CDH8: variants seen among roughly 807,000 people sequenced by gnomAD.
CDH8 encodes the protein cadherin 8.
CDH8 carries 17 observed loss-of-function variants against 68.1 expected under a neutral mutation model. That is an observed-to-expected ratio of 0.25 (90% CI 0.17 to 0.37). CDH8 has a LOEUF of 0.37. Ranked by LOEUF, CDH8 falls within the 10% of genes least tolerant of loss-of-function variation. CDH8 has a pLI of 1.00. For missense variants in CDH8, 763 were observed against 999.3 expected, an observed-to-expected ratio of 0.76 and a Z score of 3.19; for synonymous variants, 372 against 365.1, an observed-to-expected ratio of 1.02 and a Z score of -0.21.
At chr16:61,977,336 A>T (rs1046242575) in intron 2 of CDH8, among the ~76,000 whole-genome samples, 1 of 152,196 alleles carries the variant, frequency 6.6e-6, no homozygotes, top group African/African-American at 2.4e-5. Flanking sequence ...AATCTTAAAA[A>T]TTGTAGGGGA....
intron 8 of CDH8, among the ~76,000 whole-genome samples, chr16:61,761,061 G>T (rs1165745164): frequency 6.6e-6 from 1 of 152,078 alleles, no homozygotes; most frequent in Non-Finnish European, 1.5e-5. Context: ...ACATGACATT[G>T]ATTTTCTTAT....
intron 10 of CDH8, among the ~76,000 whole-genome samples, chr16:61,708,271 T>C (rs1964568960): frequency 6.6e-6 from 1 of 152,152 alleles, no homozygotes; most frequent in Non-Finnish European, 1.5e-5. Flanking sequence ...TTGAACAGCA[T>C]TTTGACAACC....
At chr16:61,777,566 C>T (rs1596957905) in intron 8 of CDH8, among the ~76,000 whole-genome samples, 1 of 152,224 alleles carries the variant, frequency 6.6e-6, no homozygotes, top group East Asian at 1.9e-4. Flanking sequence ...TCTATTCCTC[C>T]ATTCTCAATC....
intron 1 of CDH8, among the ~76,000 whole-genome samples, chr16:62,034,556 TG>T (rs1902406629): frequency 6.6e-6 from 1 of 152,094 alleles, no homozygotes; most frequent in Non-Finnish European, 1.5e-5. Context: ...TGGTACCGGA[TG>T]CGAGAGGACA....
chr16:61,841,086 C>T (rs1467705007), intron 4 of CDH8, among the ~76,000 whole-genome samples: 1 of 152,118 alleles, frequency 6.6e-6, no homozygotes, highest in Non-Finnish European at 1.5e-5. Flanking sequence ...ATATCTACTA[C>T]ACTTTCTTTG....
chr16:61,815,425 T>A (rs1962050848), intron 7 of CDH8, among the ~76,000 whole-genome samples: 1 of 152,182 alleles, frequency 6.6e-6, no homozygotes, highest in Non-Finnish European at 1.5e-5. Flanking sequence ...TGCAACCATA[T>A]GTGGACAACT....
intron 3 of CDH8, among the ~76,000 whole-genome samples, chr16:61,874,678 A>C (rs1198326803): frequency 6.6e-6 from 1 of 152,206 alleles, no homozygotes; most frequent in African/African-American, 2.4e-5. Flanking sequence ...TTCAAATATT[A>C]TCTCTGAATG....
intron 2 of CDH8, among the ~76,000 whole-genome samples, chr16:61,966,537 A>C (rs1445615482): frequency 6.6e-6 from 1 of 152,088 alleles, no homozygotes; most frequent in East Asian, 1.9e-4. Flanking sequence ...ACTCCATCTC[A>C]AAATAAAAAA....
Position 61,820,963 on chromosome 16 carries a change from T to A in CDH8, c.986A>T (p.Asp329Val), listed in dbSNP as rs1205600219. 1 of 1,612,692 alleles carries A rather than the reference T, an allele frequency of 6.2e-7. No homozygotes were observed. The highest frequency in any genetic ancestry group is 8.5e-7 in the Non-Finnish European group (1 of 1,179,110). The stretch of plus-strand genomic sequence containing the variant: ...TATAATGCCATCCTGGGCCTGGGCA[T>A]CAGAAGTGATTTCAAAAAGTGCTGT... ...DGTALFEITS[D>V]AQAQDGIIRL... The change falls in exon 6 of 12, where the codon GAT becomes GTT. Residue 329 changes from aspartate to valine, a missense_variant. Asp to Val is a radical substitution (Grantham distance 152, BLOSUM62 -3). Coordinates refer to ENST00000577390, the MANE Select transcript of CDH8 (RefSeq NM_001796.5).
At chr16:61,901,066 T>C (rs902406527) in intron 3 of CDH8, 113 bp downstream of exon 3, 2 of 987,634 alleles carry the variant, frequency 2.0e-6, no homozygotes, top group African/African-American at 3.3e-5. Context: ...GAAATGCAAA[T>C]TAGAGATAAG....
intron 8 of CDH8, among the ~76,000 whole-genome samples, chr16:61,747,882 T>A (rs1960062200): frequency 2.0e-5 from 3 of 152,126 alleles, no homozygotes; most frequent in African/African-American, 7.2e-5. Context: ...TTGTTTCTGG[T>A]GGTCTCCTTG....
rs181047977 is a variant in CDH8, at chr16:62,001,432, G to A, written c.252+19720C>T. 8.5e-5 allele frequency among the ~76,000 whole-genome samples: 13 copies of A among 152,290 alleles called. No homozygotes were observed. The East Asian group carries it at 2.5e-3, about 29-fold the overall frequency. ...CGGCCCTTCAGTACAATAAGGGTGT[G>A]TATGTGTGGATATCAACCTGCTCTA... is the stretch of plus-strand genomic sequence containing the variant. On this transcript the variant is annotated intron_variant, in intron 2 of 11. Coordinates refer to ENST00000577390, the MANE Select transcript of CDH8 (RefSeq NM_001796.5).
intron 2 of CDH8, among the ~76,000 whole-genome samples, chr16:61,996,419 C>A (rs1965805190): frequency 6.6e-6 from 1 of 152,174 alleles, no homozygotes; most frequent in Admixed American, 6.5e-5. Context: ...CATGCTCTGG[C>A]ATTTTCCCTT....
chr16:61,903,896 G>C (rs1235159440), intron 2 of CDH8, among the ~76,000 whole-genome samples: 1 of 151,690 alleles, frequency 6.6e-6, no homozygotes, highest in Non-Finnish European at 1.5e-5. Flanking sequence ...TCCAATGTAA[G>C]TGAAAGTAAA....
intron 2 of CDH8, among the ~76,000 whole-genome samples, chr16:61,952,416 C>T (rs1964912473): frequency 2.0e-5 from 3 of 152,108 alleles, no homozygotes; most frequent in Admixed American, 2.0e-4. Flanking sequence ...TATTGGGCAT[C>T]ATGTAAGAAT....
intron 2 of CDH8, among the ~76,000 whole-genome samples, chr16:61,994,428 C>T (rs1312061007): frequency 2.0e-5 from 3 of 152,032 alleles, no homozygotes; most frequent in Admixed American, 2.0e-4. Context: ...TGTAAATTTC[C>T]TTAGACATGA....
intron 10 of CDH8, among the ~76,000 whole-genome samples, chr16:61,671,177 T>C (rs1963785399): frequency 6.6e-6 from 1 of 152,116 alleles, no homozygotes; most frequent in Admixed American, 6.6e-5. Context: ...TTCTTGGATT[T>C]TACTCTAAAT....
At chr16:62,020,934 G>A (rs1201495135) in intron 2 of CDH8, among the ~76,000 whole-genome samples, 1 of 152,072 alleles carries the variant, frequency 6.6e-6, no homozygotes, top group Non-Finnish European at 1.5e-5. Flanking sequence ...ACTGATAGCC[G>A]GGTGGAAGAG....
At chr16:61,720,188 T>C (rs1163889508) in intron 9 of CDH8, among the ~76,000 whole-genome samples, 1 of 150,984 alleles carries the variant, frequency 6.6e-6, no homozygotes, top group Non-Finnish European at 1.5e-5. Context: ...GTTACAGCCA[T>C]GTTACCATTA....
Sources: gnomAD v4.1 joint callset for allele counts (sites outside exome capture counted in the v4.1 genomes callset) on GRCh38, gnomAD v4.1.1 for gene constraint, MANE v1.5 for transcripts, NCBI Gene and HGNC (gene_info 2026-07-23, HGNC 2026-07-21) for gene names.